LPIN2: variants seen among roughly 807,000 people sequenced by gnomAD.
The protein encoded by LPIN2 is lipin 2, also known as phosphatidate phosphatase LPIN2.
LPIN2 carries 55 observed loss-of-function variants against 111.4 expected under a neutral mutation model. That is an observed-to-expected ratio of 0.49 (90% CI 0.40 to 0.62). LPIN2 has a LOEUF of 0.62. Ranked by LOEUF, LPIN2 falls within the 20% of genes least tolerant of loss-of-function variation. The pLI is 0.00. For synonymous variants in LPIN2, 425 were observed against 414.0 expected, an observed-to-expected ratio of 1.03 and a Z score of -0.32; for missense variants, 992 against 1,112.1, an observed-to-expected ratio of 0.89 and a Z score of 1.54.
chr18:2,964,959 G>C (rs1222179585), intron 1 of LPIN2, among the ~76,000 whole-genome samples: 2 of 152,140 alleles, frequency 1.3e-5, no homozygotes, highest in Non-Finnish European at 2.9e-5. Flanking sequence ...AATTATTTAT[G>C]TCCATCTTTA....
At position 2,980,352 on chromosome 18, in the gene LPIN2, T is replaced by C. The variant is rs549346689; in HGVS notation, c.-9-19503A>G. 2.0e-5 allele frequency among the ~76,000 whole-genome samples: 3 copies of C among 152,358 alleles called. No individual in the cohort carries two copies. In the South Asian group the frequency reaches 6.2e-4, roughly 32 times the overall value. The stretch of plus-strand genomic sequence containing the variant: ...TTTTTGAACACTGGCCATGCTAGAC[T>C]GGAGGAACACAGTTAGTTTTAGACT... On this transcript the variant is annotated intron_variant, in intron 1 of 19. Coordinates refer to ENST00000677752, the MANE Select transcript of LPIN2 (RefSeq NM_001375808.2).
At chr18:2,930,749 A>G (rs2077201465) in intron 9 of LPIN2, among the ~76,000 whole-genome samples, 2 of 152,246 alleles carry the variant, frequency 1.3e-5, no homozygotes, top group Non-Finnish European at 2.9e-5. Flanking sequence ...CTGATTCCTG[A>G]GCAAGCTTTA....
chr18:2,941,307 T>G (rs888049083), intron 4 of LPIN2, among the ~76,000 whole-genome samples: 1 of 152,224 alleles, frequency 6.6e-6, no homozygotes, highest in African/African-American at 2.4e-5. Context: ...CTGAGAAGGT[T>G]TCCTTTACTT....
chr18:2,922,466 A>G (rs2077069560), intron 16 of LPIN2, among the ~76,000 whole-genome samples: 2 of 152,068 alleles, frequency 1.3e-5, no homozygotes, highest in African/African-American at 2.4e-5. Flanking sequence ...TAGTAGAGAC[A>G]GGGTTTCACC....
rs2077114037 is a variant in LPIN2 at position 2,925,290 on chromosome 18, T to C, written c.1872A>G (p.Thr624=). 3.1e-6 allele frequency: 5 copies of C among 1,614,074 alleles called. No homozygotes were observed. The highest frequency in any genetic ancestry group is 2.7e-5 in the African/African-American group (2 of 74,932). The change falls in exon 14 of 20, where the codon ACA becomes ACG. Residue 624 remains threonine, a synonymous_variant. Coordinates refer to ENST00000677752, the MANE Select transcript of LPIN2 (RefSeq NM_001375808.2). The surrounding 1 kb of genome is among the most constrained non-coding windows in gnomAD (Gnocchi z 4.1). ...TTGTGCTGCCGTGGCTCAGGGGCTC[T>C]GTGGGGATGGGGTCCACTGTGATGG... The part of the protein sequence containing the change: ...EESITVDPIP[T]EPLSHGSTTS...
At chr18:2,920,649 G>A in intron 19 of LPIN2, 129 bp downstream of exon 19, 1 of 809,922 alleles carries the variant, frequency 1.2e-6, no homozygotes, top group South Asian at 1.4e-5. Flanking sequence ...GATACCCACA[G>A]AGGAGATGTA....
chr18:2,986,877 GACA>G (rs1317088269), intron 1 of LPIN2, among the ~76,000 whole-genome samples: 1 of 152,032 alleles, frequency 6.6e-6, no homozygotes, highest in South Asian at 2.1e-4. Flanking sequence ...ACAACTTTTG[GACA>G]ACATTTTCAA....
In LPIN2 at chr18:2,934,339, G is replaced by A; in HGVS notation, c.1268+12C>T. Reference sequence around the variant, plus strand: ...TTCAGAGCTGTCCTTCAATAAATAAGGACCACTCTACCTTTTAGGGAAATA... The same window carrying A: ...TTCAGAGCTGTCCTTCAATAAATAAAGACCACTCTACCTTTTAGGGAAATA... On this transcript the variant is annotated intron_variant, in intron 8 of 19. Transcript: ENST00000677752. 1 of 1,562,850 alleles carries A rather than the reference G, an allele frequency of 6.4e-7. No individual in the cohort carries two copies. The highest frequency in any genetic ancestry group is 8.8e-7 in the Non-Finnish European group (1 of 1,133,844).
At chr18:3,011,893 T>G (rs1363113386) in intron 1 of LPIN2, 1 of 152,368 alleles carries the variant, frequency 6.6e-6, no homozygotes, top group African/African-American at 2.4e-5. Flanking sequence ...CCCTGCACTG[T>G]GTGGCCGGCT....
Position 2,939,460 on chromosome 18 carries a change from A to G in LPIN2, c.822+20T>C, listed in dbSNP as rs1433788623. 1.2e-6 allele frequency: 2 copies of G among 1,612,946 alleles called. No homozygotes were observed. The highest frequency in any genetic ancestry group is 3.3e-5 in the Admixed American group (2 of 59,974). On this transcript the variant is annotated intron_variant, in intron 6 of 19. Coordinates refer to ENST00000677752, the MANE Select transcript of LPIN2 (RefSeq NM_001375808.2). ...GTTTAATCATTAACACACTTTCCACAGGCAAGTAAACCCTAGTACCTTGGT... is the reference window on the plus strand; with the variant it reads ...GTTTAATCATTAACACACTTTCCACGGGCAAGTAAACCCTAGTACCTTGGT...
chr18:3,006,950 A>T (rs148858545), intron 1 of LPIN2, among the ~76,000 whole-genome samples: 7,487 of 151,796 alleles, frequency 0.049, 591 homozygotes, highest in African/African-American at 0.17. Flanking sequence ...CAGTGAGCTG[A>T]GATAGCCCCA....
intron 12 of LPIN2, among the ~76,000 whole-genome samples, chr18:2,927,098 T>G (rs2077144345): frequency 6.6e-6 from 1 of 152,174 alleles, no homozygotes; most frequent in Non-Finnish European, 1.5e-5. Context: ...GGTCCCCAGC[T>G]TCCTTCTCCT....
At chr18:2,990,553 T>C (rs111950872) in intron 1 of LPIN2, 1,691 of 155,754 alleles carry the variant, frequency 0.011, 29 homozygotes, top group African/African-American at 0.038. Flanking sequence ...TCATTAACCA[T>C]CCGGGAAAGG....
chr18:2,939,919 A>C (rs1214548173), intron 5 of LPIN2, among the ~76,000 whole-genome samples: 1 of 152,244 alleles, frequency 6.6e-6, no homozygotes, highest in African/African-American at 2.4e-5. Flanking sequence ...AAGCAGGCAA[A>C]TTAACATAAC....
intron 1 of LPIN2, among the ~76,000 whole-genome samples, chr18:2,979,778 C>T (rs1042825389): frequency 6.6e-6 from 1 of 152,204 alleles, no homozygotes; most frequent in Non-Finnish European, 1.5e-5. Context: ...GGCGAGCATG[C>T]TTTGAAAACA....
chr18:3,001,268 CAG>C (rs1191106450), intron 1 of LPIN2, among the ~76,000 whole-genome samples: 1 of 152,128 alleles, frequency 6.6e-6, no homozygotes, highest in African/African-American at 2.4e-5. Flanking sequence ...GAATCCAACA[CAG>C]AAAATTACTG....
chr18:3,009,530 C>A (rs1195284092), intron 1 of LPIN2, among the ~76,000 whole-genome samples: 2 of 151,800 alleles, frequency 1.3e-5, no homozygotes, highest in Non-Finnish European at 2.9e-5. Flanking sequence ...CTTCTGCCTC[C>A]CAGGTTCAAA....
chr18:3,003,556 G>A (rs1038727550), intron 1 of LPIN2, among the ~76,000 whole-genome samples: 1 of 152,212 alleles, frequency 6.6e-6, no homozygotes, highest in African/African-American at 2.4e-5. Context: ...TCTTAAGCCT[G>A]TCTTTACTGC....
At chr18:2,969,643 G>T (rs1483439694) in intron 1 of LPIN2, among the ~76,000 whole-genome samples, 3 of 152,158 alleles carry the variant, frequency 2.0e-5, no homozygotes, top group Non-Finnish European at 2.9e-5. Context: ...TGCAATAGAA[G>T]CAAGTTTTGG....
Sources: gnomAD v4.1 joint callset for allele counts (sites outside exome capture counted in the v4.1 genomes callset) on GRCh38, gnomAD v4.1.1 for gene constraint, Gnocchi (gnomAD v3.1) non-coding constraint, MANE v1.5 for transcripts, NCBI Gene and HGNC (gene_info 2026-07-23, HGNC 2026-07-21) for gene names.